The following ADGRE1 variants were observed in gnomAD, a reference collection of about 807,000 sequenced individuals.
ADGRE1 encodes the protein adhesion G protein-coupled receptor E1, also known as EGF-like module receptor 1.
ADGRE1 carries 82 observed loss-of-function variants against 102.7 expected under a neutral mutation model. That is an observed-to-expected ratio of 0.80 (90% CI 0.67 to 0.96). The LOEUF (loss-of-function observed/expected upper bound fraction) is 0.96, where lower values mean the gene tolerates loss of function less well. Ranked by LOEUF, ADGRE1 falls within the 40% of genes least tolerant of loss-of-function variation. The probability of loss-of-function intolerance (pLI) is 0.00; values close to 1 mark genes in which losing one functional copy is unlikely to be tolerated. For missense variants in ADGRE1, 1,032 were observed against 1,085.3 expected, an observed-to-expected ratio of 0.95 and a Z score of 0.69; for synonymous variants, 398 against 399.6, an observed-to-expected ratio of 1.00 and a Z score of 0.05.
intron 16 of ADGRE1, 29 bp downstream of exon 16, chr19:6,926,630 A>G (rs773732921): frequency 1.2e-6 from 2 of 1,609,582 alleles, no homozygotes; most frequent in Non-Finnish European, 1.7e-6. Context: ...CTTCCTGAAG[A>G]CCCTGCTGCC....
rs374475182 is a variant in ADGRE1, at chr19:6,903,840, T to C, written c.692T>C (p.Ile231Thr). Residue 231 changes from isoleucine (I) to threonine (T), a missense_variant, in exon 7 of 21, where the codon ATC becomes ACC. Physicochemically the swap from Ile to Thr is moderately conservative, Grantham distance 89. Transcript: ENST00000312053. ...GATGAATGCACTGAAATGTGCCCCA[T>C]CAATTCAACATGCACCAACACTCCT... ...DIDECTEMCP[I>T]NSTCTNTPGS... 6.2e-7 allele frequency: 1 copy of C among 1,614,126 alleles called. No homozygotes were observed. Among genetic ancestry groups the C allele is most frequent in the African/African-American group, 1.3e-5 (1 of 75,022 alleles).
In ADGRE1 at chr19:6,937,451, C is replaced by T. The variant is rs79955651; in HGVS notation, c.2550+40C>T. ...CCCTCCCCATCCCCCTCCTCCCATC[C>T]CCCTCTCCCCCCTTCCCCACCGCAT... On this transcript the variant is annotated intron_variant, in intron 19 of 20. Transcript: ENST00000312053. 10 of 1,570,516 alleles carry T rather than the reference C, an allele frequency of 6.4e-6. No individual in the cohort carries two copies. The South Asian group carries it at 6.8e-5, about 11-fold the overall frequency.
chr19:6,902,313 A>G (rs1052104730), intron 6 of ADGRE1, among the ~76,000 whole-genome samples: 1 of 152,182 alleles, frequency 6.6e-6, no homozygotes, highest in Admixed American at 6.5e-5. Flanking sequence ...CATAGCACCC[A>G]TGAACAAACA....
At chr19:6,920,765 C>A (rs928473297) in intron 13 of ADGRE1, among the ~76,000 whole-genome samples, 8 of 152,256 alleles carry the variant, frequency 5.3e-5, no homozygotes, top group Middle Eastern at 3.4e-3. Context: ...CCGCCTCAGC[C>A]TCCTGAAGTG....
At chr19:6,910,813 T>G (rs1057370866) in intron 10 of ADGRE1, among the ~76,000 whole-genome samples, 2 of 152,066 alleles carry the variant, frequency 1.3e-5, no homozygotes, top group African/African-American at 4.8e-5. Context: ...CCTCAGGTGA[T>G]CCACCCACCT....
chr19:6,924,272 TG>T (rs1025269871), intron 14 of ADGRE1, among the ~76,000 whole-genome samples: 5 of 152,098 alleles, frequency 3.3e-5, no homozygotes, highest in African/African-American at 1.2e-4. Context: ...ACCATGAAAT[TG>T]GGGACTGGAC....
intron 15 of ADGRE1, among the ~76,000 whole-genome samples, chr19:6,925,499 G>A (rs112975869): frequency 0.057 from 8,685 of 151,968 alleles, 423 homozygotes; most frequent in African/African-American, 0.13. Flanking sequence ...CAATGTCTGG[G>A]GACATTTTTC....
In ADGRE1 at chr19:6,921,790, C is replaced by T. The variant is rs1269706452; in HGVS notation, c.1698C>T (p.Gly566=). ...DVKGGRWTSF[G]CVILEASETY... Reference sequence around the variant, plus strand: ...AGGGTGGAAGATGGACATCCTTTGGCTGTGTGATCCTGGAAGCTTCTGAGA... The same window carrying T: ...AGGGTGGAAGATGGACATCCTTTGGTTGTGTGATCCTGGAAGCTTCTGAGA... Residue 566 remains glycine, a synonymous_variant, in exon 14 of 21, where the codon GGC becomes GGT. Transcript: ENST00000312053. The T allele has an allele frequency of 6.2e-7, 1 of 1,614,070 alleles. No homozygotes were observed.
intron 1 of ADGRE1, among the ~76,000 whole-genome samples, chr19:6,890,175 C>T (rs988928765): frequency 9.2e-5 from 14 of 152,220 alleles, no homozygotes; most frequent in African/African-American, 3.1e-4. Context: ...CTTGGCCTCC[C>T]GAAGGGCTGG....
Position 6,913,675 on chromosome 19 carries a change from C to G in ADGRE1, c.1145C>G (p.Pro382Arg). The change falls in exon 11 of 21, where the codon CCT (proline) becomes CGT (arginine). Residue 382 changes from proline (P) to arginine (R), a missense_variant. Physicochemically the swap from Pro to Arg is moderately radical, Grantham distance 103 (BLOSUM62 -2). Coordinates refer to ENST00000312053, the MANE Select transcript of ADGRE1 (RefSeq NM_001974.5). ...SLKNTTESFVPVLKQISTWTK... is the reference protein window; with the variant it reads ...SLKNTTESFVRVLKQISTWTK... ...CAGAATACAACTGAGAGCTTTGTCC[C>G]TGTGCTTAAACAAATATCCACGTGG... 6.2e-7 allele frequency: 1 copy of G among 1,608,974 alleles called. No homozygotes were observed.
chr19:6,905,199 T>G (rs1337941923), intron 8 of ADGRE1, among the ~76,000 whole-genome samples: 1 of 151,918 alleles, frequency 6.6e-6, no homozygotes, highest in Non-Finnish European at 1.5e-5. Flanking sequence ...TGATAAAAAA[T>G]TAGCCAGGTG....
chr19:6,920,758 C>T (rs1197132211), intron 13 of ADGRE1, among the ~76,000 whole-genome samples: 2 of 152,036 alleles, frequency 1.3e-5, no homozygotes, highest in Admixed American at 6.6e-5. Flanking sequence ...GATCCACCCG[C>T]CTCAGCCTCC....
intron 14 of ADGRE1, among the ~76,000 whole-genome samples, chr19:6,924,064 G>T (rs1427150985): frequency 6.6e-6 from 1 of 151,530 alleles, no homozygotes; most frequent in African/African-American, 2.4e-5. Context: ...TTCAGTACAG[G>T]AAGCAAAAAC....
rs746628784 is a variant in ADGRE1 at position 6,916,252 on chromosome 19, T to C, written c.1304T>C (p.Ile435Thr). 2 of 1,611,114 alleles carry C rather than the reference T, an allele frequency of 1.2e-6. No individual in the cohort carries two copies. Among genetic ancestry groups the C allele is most frequent in the East Asian group, 2.2e-5 (1 of 44,750 alleles). ...TPAVRTEYLD[I>T]ESKVINKECS... is the part of the protein sequence containing the mutation. The stretch of plus-strand genomic sequence containing the variant: ...AACTCTCCCTTTCTCTTTTTAGACA[T>C]TGAGAGCAAAGTTATCAACAAAGAA... Residue 435 changes from isoleucine (I) to threonine (T), a missense_variant, in exon 12 of 21, where the codon ATT (isoleucine) becomes ACT (threonine). By Grantham distance (89) the Ile-to-Thr change is moderately conservative (BLOSUM62 -1). Coordinates refer to ENST00000312053, the MANE Select transcript of ADGRE1 (RefSeq NM_001974.5).
rs547170138 is a variant in ADGRE1 at position 6,928,644 on chromosome 19, A to C, written c.2289+433A>C. 3.5e-4 allele frequency: 61 copies of C among 175,698 alleles called. 1 individual carries two copies. The South Asian group carries it at 7.6e-3, about 22-fold the overall frequency. The allele number at this position is 175,698 out of a possible 1,614,324, so 10.9% of individuals were successfully genotyped here. Reference sequence around the variant, plus strand: ...ACTCCGTCTCAAAAAAAAAAAAATAAATAAATAAGTTATCGGCCAGGTTGC... The same window carrying C: ...ACTCCGTCTCAAAAAAAAAAAAATACATAAATAAGTTATCGGCCAGGTTGC... On this transcript the variant is annotated intron_variant, in intron 17 of 20. Coordinates refer to ENST00000312053, the MANE Select transcript of ADGRE1 (RefSeq NM_001974.5).
At position 6,896,511 on chromosome 19, in the gene ADGRE1, C is replaced by A. The variant is rs1296287348; in HGVS notation, c.208C>A (p.His70Asn). The A allele has an allele frequency of 3.7e-6, 6 of 1,614,106 alleles. No individual in the cohort carries two copies. Among genetic ancestry groups the A allele is most frequent in the Non-Finnish European group, 5.1e-6 (6 of 1,179,986 alleles). The change falls in exon 3 of 21, where the codon CAC (histidine) becomes AAC (asparagine). Residue 70 changes from histidine to asparagine, a missense_variant. Physicochemically the swap from His to Asn is moderately conservative, Grantham distance 68. Transcript: ENST00000312053. ...CTTCCTGTCCAGCAATGGGCAAAATCACTTCAAGGATCCAGGAGTGCGATG... is the reference window on the plus strand; with the variant it reads ...CTTCCTGTCCAGCAATGGGCAAAATAACTTCAAGGATCCAGGAGTGCGATG... ...QGFLSSNGQN[H>N]FKDPGVRCKD...
intron 14 of ADGRE1, among the ~76,000 whole-genome samples, chr19:6,922,555 C>A (rs10404715): frequency 0.012 from 1,865 of 151,298 alleles, 46 homozygotes; most frequent in African/African-American, 0.044. Context: ...GCAGAGGTTG[C>A]ACTGAGCTGA....
chr19:6,936,301 T>C (rs867669786), intron 18 of ADGRE1, among the ~76,000 whole-genome samples: 1 of 151,378 alleles, frequency 6.6e-6, no homozygotes, highest in South Asian at 2.1e-4. Flanking sequence ...CCGGGCATGG[T>C]GGTGGGCACC....
chr19:6,927,276 T>G (rs1448530328), intron 16 of ADGRE1, among the ~76,000 whole-genome samples: 1 of 91,814 alleles, frequency 1.1e-5, no homozygotes, highest in Admixed American at 1.2e-4. Flanking sequence ...CTTCCTTGCC[T>G]TCCTTCCCTT....
Sources: gnomAD v4.1 joint callset for allele counts (sites outside exome capture counted in the v4.1 genomes callset) on GRCh38, gnomAD v4.1.1 for gene constraint, MANE v1.5 for transcripts, NCBI Gene and HGNC (gene_info 2026-07-23, HGNC 2026-07-21) for gene names.